The following RNF170 variants were observed in gnomAD, a reference collection of about 807,000 sequenced individuals.
RNF170 encodes E3 ubiquitin-protein ligase RNF170.
Under a neutral mutation model 32.7 loss-of-function variants are expected in RNF170, and 12 were observed. The observed-to-expected ratio is 0.37, with a 90% CI of 0.24 to 0.60. RNF170 has a LOEUF of 0.60. RNF170 is among the 20% of genes least tolerant of loss of function. RNF170 has a pLI of 0.72. For missense variants in RNF170, 212 were observed against 311.2 expected, an observed-to-expected ratio of 0.68 and a Z score of 2.40; for synonymous variants, 91 against 103.6, an observed-to-expected ratio of 0.88 and a Z score of 0.74.
At chr8:42,851,338 G>A (rs1389561492), downstream of RNF170, among the ~76,000 whole-genome samples, 1 of 152,126 alleles carries the variant, frequency 6.6e-6, no homozygotes, top group Non-Finnish European at 1.5e-5. Context: ...GGGACTGGCG[G>A]ATTACCTGAG....
upstream of RNF170, chr8:42,897,230 C>G (rs964083982): frequency 1.7e-6 from 2 of 1,203,220 alleles, no homozygotes; most frequent in South Asian, 4.2e-5. Flanking sequence ...CCCCTCCCCC[C>G]GCCACCTACC....
chr8:42,894,767 G>A (rs994383840), intron 1 of RNF170, among the ~76,000 whole-genome samples: 6 of 152,062 alleles, frequency 3.9e-5, no homozygotes, highest in Non-Finnish European at 8.8e-5. Flanking sequence ...GTTTCACCAT[G>A]TTGGCCAGGA....
Position 42,887,739 on chromosome 8 carries a change from A to G in RNF170, c.126T>C (p.Tyr42=), listed in dbSNP as rs1367125092. The part of the protein sequence containing the change: ...VSFALIATLV[Y]ALFRNVHQNI... ...TCCTTAAATCTCACCTGAAAAGTGC[A>G]TATACCAGGGTAGCAATCAAAGCGA... The change falls in exon 2 of 7, where the codon TAT becomes TAC. Residue 42 remains tyrosine (Y), a synonymous_variant. Coordinates refer to ENST00000527424, the MANE Select transcript of RNF170 (RefSeq NM_030954.4). 1.2e-6 allele frequency: 2 copies of G among 1,614,020 alleles called. No homozygotes were observed. Among genetic ancestry groups the G allele is most frequent in the Admixed American group, 1.7e-5 (1 of 60,018 alleles).
chr8:42,882,756 G>C (rs1805515818), intron 2 of RNF170, among the ~76,000 whole-genome samples: 2 of 152,012 alleles, frequency 1.3e-5, no homozygotes, highest in African/African-American at 4.8e-5. Context: ...TTTCTGTTAG[G>C]GAAGATTAAA....
chr8:42,869,013 C>A (rs558642820), intron 4 of RNF170, among the ~76,000 whole-genome samples: 1 of 152,104 alleles, frequency 6.6e-6, no homozygotes, highest in Non-Finnish European at 1.5e-5. Flanking sequence ...TGGGCTCAAG[C>A]GATTCTCCTT....
In RNF170 at chr8:42,869,992, T is replaced by C. The variant is rs2128934242; in HGVS notation, c.322+12A>G. On this transcript the variant is annotated intron_variant, in intron 4 of 6. Coordinates refer to ENST00000527424, the MANE Select transcript of RNF170 (RefSeq NM_030954.4). ...ACAGTCACTTTTCCCAAGTATAGCGTTGTTTGCTTACCACAAAAAAGATGT... is the reference window on the plus strand; with the variant it reads ...ACAGTCACTTTTCCCAAGTATAGCGCTGTTTGCTTACCACAAAAAAGATGT... 1.3e-6 allele frequency: 2 copies of C among 1,593,748 alleles called. No homozygotes were observed. Among genetic ancestry groups the C allele is most frequent in the East Asian group, 2.2e-5 (1 of 44,764 alleles).
chr8:42,890,094 T>C (rs1395855526), intron 1 of RNF170, among the ~76,000 whole-genome samples: 3 of 152,156 alleles, frequency 2.0e-5, no homozygotes, highest in Non-Finnish European at 2.9e-5. Flanking sequence ...CATTTTCCTC[T>C]ATGCTATACA....
intron 6 of RNF170, among the ~76,000 whole-genome samples, chr8:42,858,523 T>C (rs905946185): frequency 9.9e-5 from 15 of 152,196 alleles, no homozygotes; most frequent in African/African-American, 3.6e-4. Context: ...GTCCTTACCC[T>C]TATGAAGCTT....
chr8:42,870,152 T>C, intron 3 of RNF170, 40 bp from the exon 4 acceptor site: 3 of 1,393,288 alleles, frequency 2.2e-6, no homozygotes, highest in Non-Finnish European at 3.1e-6. Context: ...ACACAACACA[T>C]GTGGCCCTCA....
At chr8:42,864,802 T>TG (rs1346088448) in intron 5 of RNF170, among the ~76,000 whole-genome samples, 1 of 149,724 alleles carries the variant, frequency 6.7e-6, no homozygotes, top group Non-Finnish European at 1.5e-5. Flanking sequence ...GGAAAAAAAT[T>TG]TTTTTTCAAA....
rs146198928 is a variant in RNF170, at chr8:42,895,132, T to C, written c.-8+1352A>G. The stretch of plus-strand genomic sequence containing the variant: ...GAATTTGAGACCAGCCTGGGCAACA[T>C]AGCGAGACCCCCTCTCTACAAAAAA... On this transcript the variant is annotated intron_variant, in intron 1 of 6. Coordinates refer to ENST00000527424, the MANE Select transcript of RNF170 (RefSeq NM_030954.4). Among the ~76,000 whole-genome samples the C allele has an allele frequency of 6.8e-4, 103 of 151,844 alleles. 1 individual carries two copies. The highest frequency in any genetic ancestry group is 2.3e-3 in the African/African-American group (95 of 41,386).
intron 4 of RNF170, among the ~76,000 whole-genome samples, chr8:42,868,719 G>A (rs977979329): frequency 2.6e-5 from 4 of 152,042 alleles, no homozygotes; most frequent in African/African-American, 4.8e-5. Flanking sequence ...GGGCATGGTG[G>A]CAGGCGCCTG....
At position 42,856,078 on chromosome 8, in the gene RNF170, G is replaced by C. The variant is rs114882818; in HGVS notation, c.*81C>G. 6.2e-7 allele frequency: 1 copy of C among 1,601,130 alleles called. No individual in the cohort carries two copies. Among genetic ancestry groups the C allele is most frequent in the African/African-American group, 1.3e-5 (1 of 74,786 alleles). On this transcript the variant is annotated 3_prime_UTR_variant, in exon 7 of 7. Coordinates refer to ENST00000527424, the MANE Select transcript of RNF170 (RefSeq NM_030954.4). ...TGAGATAATACTCCATTGCTTCATT[G>C]CTTTATACTGCCATGGGTCCTTCTG...
intron 1 of RNF170, among the ~76,000 whole-genome samples, chr8:42,894,192 G>A (rs1424830028): frequency 1.3e-5 from 2 of 152,146 alleles, no homozygotes; most frequent in Admixed American, 6.5e-5. Context: ...GAAACCTCCA[G>A]AACAACGTAA....
intron 1 of RNF170, among the ~76,000 whole-genome samples, chr8:42,892,814 C>T (rs974140162): frequency 6.6e-6 from 1 of 151,830 alleles, no homozygotes; most frequent in African/African-American, 2.4e-5. Flanking sequence ...TGGTGAAACG[C>T]CATCTTTACT....
At position 42,854,888 on chromosome 8, in the gene RNF170, C is replaced by G. The variant is rs1274199957; in HGVS notation, c.*1271G>C. The stretch of plus-strand genomic sequence containing the variant: ...CACTTGTTTGGCTCAAGACATGAAT[C>G]TGAGCTGTGTGCTGCCATCCTGAGA... On this transcript the variant is annotated 3_prime_UTR_variant, in exon 7 of 7. Transcript: ENST00000527424. 5.4e-6 allele frequency: 7 copies of G among 1,287,118 alleles called. No homozygotes were observed. The highest frequency in any genetic ancestry group is 7.1e-6 in the Non-Finnish European group (7 of 988,706). 79.7% of individuals were successfully genotyped at this position (1,287,118 alleles called of 1,614,324 possible). A position where few individuals can be genotyped will look rare whatever the true frequency, so the allele number is the denominator to read the frequency against.
intron 6 of RNF170, among the ~76,000 whole-genome samples, chr8:42,860,361 A>AAAGGTTATCTGTAC (rs1278876438): frequency 6.6e-6 from 1 of 152,360 alleles, no homozygotes; most frequent in Admixed American, 6.5e-5. Context: ...TAAGGGGAAG[A>AAAGGTTATCTGTAC]AAGGTTATCT....
At position 42,853,814 on chromosome 8, in the gene RNF170, A is replaced by G; in HGVS notation, c.*2345T>C. On this transcript the variant is annotated 3_prime_UTR_variant, in exon 7 of 7. Transcript: ENST00000527424. The stretch of plus-strand genomic sequence containing the variant: ...GATGTTAGCACATACCCTTTTCACA[A>G]TTTAGGAAGCTTTAAGATCATTTAG... 1.6e-6 allele frequency: 2 copies of G among 1,287,174 alleles called. No homozygotes were observed. The highest frequency in any genetic ancestry group is 1.2e-5 in the South Asian group (1 of 80,924). 79.7% of individuals were successfully genotyped at this position (1,287,174 alleles called of 1,614,324 possible).
In RNF170 at chr8:42,857,529, A is replaced by G. The variant is rs373996843; in HGVS notation, c.508-1101T>C. Among the ~76,000 whole-genome samples, 5 of 152,322 alleles carry G rather than the reference A, an allele frequency of 3.3e-5. No homozygotes were observed. The South Asian group carries it at 8.3e-4, about 25-fold the overall frequency. On this transcript the variant is annotated intron_variant, in intron 6 of 6. Transcript: ENST00000527424. ...GTATCATCATTTATACAAAATCTTT[A>G]ATAATTAGACCAGAAATAATGAAAT... is the stretch of plus-strand genomic sequence containing the variant.
Sources: allele counts gnomAD v4.1 joint callset (sites outside exome capture counted in the v4.1 genomes callset), GRCh38; gene constraint gnomAD v4.1.1; transcripts MANE v1.5; gene names NCBI Gene and HGNC (gene_info 2026-07-23, HGNC 2026-07-21).